Variants in AFAP1 observed in about 807,000 individuals in gnomAD.
AFAP1 encodes actin filament associated protein 1, also known as actin filament-associated protein 1.
AFAP1 carries 75 observed loss-of-function variants against 93.9 expected under a neutral mutation model. The ratio of observed to expected loss-of-function variants is 0.80; its 90% CI spans 0.66 to 0.97. The LOEUF is 0.97. Ranked by LOEUF, AFAP1 falls within the 50% of genes least tolerant of loss-of-function variation. AFAP1 has a pLI of 0.00. For missense variants in AFAP1, 1,201 were observed against 1,050.8 expected (o/e 1.14, Z -1.98); for synonymous variants, 517 against 430.7 (o/e 1.20, Z -2.48).
intron 1 of AFAP1, among the ~76,000 whole-genome samples, chr4:7,897,668 C>T (rs1434325531): frequency 6.6e-6 from 1 of 152,038 alleles, no homozygotes; most frequent in Non-Finnish European, 1.5e-5. Flanking sequence ...GGAACACCAG[C>T]GTGCACTGCC....
At chr4:7,892,005 G>C (rs1279311086) in intron 1 of AFAP1, among the ~76,000 whole-genome samples, 2 of 152,132 alleles carry the variant, frequency 1.3e-5, no homozygotes, top group African/African-American at 2.4e-5. Context: ...AGTAAGCCAA[G>C]AAGGTGCCAT....
At chr4:7,869,044 AAAAGAG>A (rs1362559256) in intron 2 of AFAP1, among the ~76,000 whole-genome samples, 12 of 151,856 alleles carry the variant, frequency 7.9e-5, no homozygotes, top group South Asian at 2.1e-4. Context: ...GAAAGAAAAG[AAAAGAG>A]AAAGAGAAAG....
chr4:7,764,193 G>C (rs1298021067), intron 17 of AFAP1, among the ~76,000 whole-genome samples: 1 of 152,180 alleles, frequency 6.6e-6, no homozygotes, highest in East Asian at 1.9e-4. Flanking sequence ...GATGACAAAA[G>C]GATAAATCCT....
chr4:7,784,380 CTA>C (rs1455320786), intron 12 of AFAP1, among the ~76,000 whole-genome samples: 2 of 152,138 alleles, frequency 1.3e-5, no homozygotes, highest in Admixed American at 6.5e-5. Flanking sequence ...CTCCCCGCTC[CTA>C]TGTCTGTTTC....
chr4:7,855,239 C>T (rs1714912010), intron 4 of AFAP1, among the ~76,000 whole-genome samples: 1 of 152,232 alleles, frequency 6.6e-6, no homozygotes, highest in African/African-American at 2.4e-5. Flanking sequence ...CTTTCACTAC[C>T]TCTGAGTCAC....
At chr4:7,767,055 C>T (rs1714702609) in intron 17 of AFAP1, among the ~76,000 whole-genome samples, 1 of 152,224 alleles carries the variant, frequency 6.6e-6, no homozygotes, top group Non-Finnish European at 1.5e-5. Flanking sequence ...TCAGGGTCTA[C>T]AGGCCCCACC....
At position 7,773,101 on chromosome 4, in the gene AFAP1, C is replaced by A. The variant is rs1335396561; in HGVS notation, c.2063-91G>T. 6 of 1,485,702 alleles carry A rather than the reference C, an allele frequency of 4.0e-6. No homozygotes were observed. The South Asian group carries it at 6.8e-5, about 17-fold the overall frequency. The allele number at this position is 1,485,702 out of a possible 1,614,324, so 92.0% of individuals were successfully genotyped here. A position where few individuals can be genotyped will look rare whatever the true frequency, so the allele number is the denominator to read the frequency against. ...ACCTGGTCCCCAAGAAGAACTTCCA[C>A]AAAACGTCTGAGGTCGAGCTCCCCT... On this transcript the variant is annotated intron_variant, in intron 15 of 17. Transcript: ENST00000420658.
chr4:7,786,951 T>A (rs1717349358), intron 11 of AFAP1, among the ~76,000 whole-genome samples: 2 of 152,252 alleles, frequency 1.3e-5, no homozygotes, highest in African/African-American at 4.8e-5. Flanking sequence ...ACCCCACATC[T>A]CTTCACCTCT....
At chr4:7,820,195 C>T (rs1720842037) in intron 6 of AFAP1, among the ~76,000 whole-genome samples, 1 of 152,156 alleles carries the variant, frequency 6.6e-6, no homozygotes, top group South Asian at 2.1e-4. Context: ...CTGGATTGGA[C>T]ATGGGACTTG....
chr4:7,806,107 T>G (rs1106248), intron 9 of AFAP1, among the ~76,000 whole-genome samples: 2 of 151,978 alleles, frequency 1.3e-5, no homozygotes, highest in Non-Finnish European at 2.9e-5. Flanking sequence ...AAATAAGAGA[T>G]AAATTTTGGT....
chr4:7,766,337 T>G (rs1714572956), intron 17 of AFAP1, among the ~76,000 whole-genome samples: 1 of 152,148 alleles, frequency 6.6e-6, no homozygotes, highest in African/African-American at 2.4e-5. Flanking sequence ...AGTCCTCTGT[T>G]GTACAGGTCC....
chr4:7,820,406 T>A (rs1005857702), intron 6 of AFAP1, among the ~76,000 whole-genome samples: 3 of 151,532 alleles, frequency 2.0e-5, no homozygotes, highest in Non-Finnish European at 4.4e-5. Context: ...TCTGGATGAG[T>A]TTACCAGGGA....
chr4:7,791,058 A>G (rs1366470265), intron 11 of AFAP1, among the ~76,000 whole-genome samples: 1 of 152,194 alleles, frequency 6.6e-6, no homozygotes, highest in Non-Finnish European at 1.5e-5. Context: ...ACCATTCAAG[A>G]CACAAAGGAA....
intron 1 of AFAP1, among the ~76,000 whole-genome samples, chr4:7,918,345 C>T (rs1720212051): frequency 7.0e-6 from 1 of 143,118 alleles, no homozygotes; most frequent in Admixed American, 7.0e-5. Flanking sequence ...ACAGGGCTGC[C>T]GGAAGAGACA....
intron 17 of AFAP1, among the ~76,000 whole-genome samples, chr4:7,766,105 G>T (rs1262481533): frequency 6.6e-6 from 1 of 152,184 alleles, no homozygotes; most frequent in Non-Finnish European, 1.5e-5. Flanking sequence ...TAAATTCACA[G>T]CACTAGCAAA....
At chr4:7,782,182 G>C (rs1262059163) in intron 12 of AFAP1, among the ~76,000 whole-genome samples, 2 of 152,218 alleles carry the variant, frequency 1.3e-5, no homozygotes, top group Admixed American at 6.5e-5. Context: ...GGGAAAAAGG[G>C]GGAAATGGAA....
At chr4:7,876,718 T>C (rs1432707350) in intron 1 of AFAP1, among the ~76,000 whole-genome samples, 1 of 152,228 alleles carries the variant, frequency 6.6e-6, no homozygotes, top group Non-Finnish European at 1.5e-5. Context: ...AATATTTGTA[T>C]CATTCTAATA....
intron 10 of AFAP1, among the ~76,000 whole-genome samples, chr4:7,797,938 G>A (rs995780515): frequency 1.3e-5 from 2 of 152,096 alleles, no homozygotes; most frequent in Middle Eastern, 3.4e-3. Flanking sequence ...CAGCAAGCAT[G>A]CGGAATGTTG....
chr4:7,853,110 G>A lies in AFAP1; in HGVS notation c.334+2356C>T, dbSNP rs144443545. 4.2e-3 allele frequency among the ~76,000 whole-genome samples: 638 copies of A among 152,272 alleles called. 6 individuals are homozygous for A. Among genetic ancestry groups the A allele is most frequent in the African/African-American group, 0.014 (596 of 41,554 alleles). On this transcript the variant is annotated intron_variant, in intron 4 of 17. Transcript: ENST00000420658. ...AGATAAACTGTGGTAGTTTTCTACT[G>A]TATCAGCCTAGCAAGGCTGGAATCA...
Sources: gnomAD v4.1 joint callset for allele counts (sites outside exome capture counted in the v4.1 genomes callset) on GRCh38, gnomAD v4.1.1 for gene constraint, MANE v1.5 for transcripts, NCBI Gene and HGNC (gene_info 2026-07-23, HGNC 2026-07-21) for gene names.